UTRN: variants seen among roughly 807,000 people sequenced by gnomAD.
The protein encoded by UTRN is utrophin.
Under a neutral mutation model 463.9 loss-of-function variants are expected in UTRN, and 283 were observed. That is an observed-to-expected ratio of 0.61 (90% confidence interval 0.55 to 0.67). The LOEUF (loss-of-function observed/expected upper bound fraction) is 0.67, where lower values mean the gene tolerates loss of function less well. Ranked by LOEUF, UTRN falls within the 30% of genes least tolerant of loss-of-function variation. The pLI is 0.00. For synonymous variants in UTRN, 1,442 were observed against 1,431.5 expected (o/e 1.01, Z -0.17); for missense variants, 3,922 against 4,084.3 (o/e 0.96, Z 1.08).
intron 51 of UTRN, among the ~76,000 whole-genome samples, chr6:144,603,362 C>T (rs1246569501): frequency 1.3e-5 from 2 of 152,100 alleles, no homozygotes; most frequent in African/African-American, 4.8e-5. Flanking sequence ...GAAAGGCTGT[C>T]CCAATGTCTA....
chr6:144,396,966 C>T (rs2114780980), intron 2 of UTRN, among the ~76,000 whole-genome samples: 1 of 152,260 alleles, frequency 6.6e-6, no homozygotes, highest in East Asian at 1.9e-4. Context: ...GTTCCTCTGG[C>T]CAGGCACAGT....
rs376771233 is a variant in UTRN, at chr6:144,763,806, C to T, written c.8495+5817C>T. Among the ~76,000 whole-genome samples the T allele has an allele frequency of 6.6e-5, 10 of 152,162 alleles. No individual in the cohort carries two copies. In the East Asian group the frequency reaches 1.9e-3, roughly 29 times the overall value. ...AAACTTATCCCAGAACAGAATAAAC[C>T]CGTAACAAAGGTATAATTAACAATG... On this transcript the variant is annotated intron_variant, in intron 58 of 74. Coordinates refer to ENST00000367545, the MANE Select transcript of UTRN (RefSeq NM_007124.3).
chr6:144,828,660 G>A (rs1780401506), intron 68 of UTRN, 130 bp from the exon 69 acceptor site: 11 of 881,960 alleles, frequency 1.2e-5, no homozygotes, highest in Admixed American at 4.3e-5. Flanking sequence ...TTTTACAGTC[G>A]TGTTAGGAGA....
chr6:144,659,772 C>CT (rs959113184), intron 51 of UTRN: 77 of 145,634 alleles, frequency 5.3e-4, no homozygotes, highest in Middle Eastern at 7.0e-3. Context: ...TAATACTTGG[C>CT]TTTTTTTTTT....
rs538612218 is a variant in UTRN, at chr6:144,404,024, A to G, written c.141+840A>G. Among the ~76,000 whole-genome samples, 16 of 152,356 alleles carry G rather than the reference A, an allele frequency of 1.1e-4. 1 individual carries two copies. The South Asian group carries it at 3.3e-3, about 32-fold the overall frequency. On this transcript the variant is annotated intron_variant, in intron 3 of 74. Coordinates refer to ENST00000367545, the MANE Select transcript of UTRN (RefSeq NM_007124.3). ...TTTTTGGTTGCTTTTCAAAAGTTGT[A>G]AAGGTCAGAGAGACAAACATTGGTA...
intron 2 of UTRN, among the ~76,000 whole-genome samples, chr6:144,369,473 T>G (rs1334110284): frequency 1.3e-5 from 2 of 152,114 alleles, no homozygotes. Context: ...AAAAATTAGC[T>G]GATTGTGGTG....
At chr6:144,807,820 T>C (rs963070516) in intron 65 of UTRN, among the ~76,000 whole-genome samples, 1 of 152,172 alleles carries the variant, frequency 6.6e-6, no homozygotes, top group Non-Finnish European at 1.5e-5. Context: ...CCTTGAGGAC[T>C]GGGATGACTT....
intron 70 of UTRN, among the ~76,000 whole-genome samples, 178 bp from the exon 71 acceptor site, chr6:144,836,122 GA>G (rs1781081405): frequency 6.6e-6 from 1 of 152,202 alleles, no homozygotes; most frequent in South Asian, 2.1e-4. Context: ...GTTCATTGAT[GA>G]TGTCTACTGG....
chr6:144,535,555 G>C (rs926031800), intron 43 of UTRN, among the ~76,000 whole-genome samples: 2 of 152,148 alleles, frequency 1.3e-5, no homozygotes, highest in African/African-American at 4.8e-5. Context: ...AAAGAATAAT[G>C]AATCTCTTCC....
intron 11 of UTRN, among the ~76,000 whole-genome samples, chr6:144,438,038 G>C (rs530424358): frequency 6.6e-6 from 1 of 152,322 alleles, no homozygotes; most frequent in East Asian, 1.9e-4. Context: ...GGCCAACGCG[G>C]ATGGATCACT....
At chr6:144,342,440 C>T (rs947539055) in intron 2 of UTRN, among the ~76,000 whole-genome samples, 3 of 151,824 alleles carry the variant, frequency 2.0e-5, no homozygotes, top group African/African-American at 4.8e-5. Context: ...ATGCTCATAG[C>T]AGAATTATTG....
intron 33 of UTRN, among the ~76,000 whole-genome samples, chr6:144,495,782 G>A (rs1048794399): frequency 1.3e-5 from 2 of 152,344 alleles, no homozygotes; most frequent in African/African-American, 4.8e-5. Flanking sequence ...AGTAGCCGGT[G>A]TTGGCTTTTT....
chr6:144,685,689 T>A (rs900801803), intron 52 of UTRN, among the ~76,000 whole-genome samples: 2 of 152,172 alleles, frequency 1.3e-5, no homozygotes, highest in Admixed American at 6.6e-5. Context: ...ATCATGTCAT[T>A]TGCCCACTTT....
intron 2 of UTRN, among the ~76,000 whole-genome samples, chr6:144,340,014 A>C (rs1167973401): frequency 6.6e-6 from 1 of 152,176 alleles, no homozygotes; most frequent in Non-Finnish European, 1.5e-5. Context: ...TAGAAATATA[A>C]AAATTAGCCG....
chr6:144,434,877 G>A (rs976337158), intron 9 of UTRN, among the ~76,000 whole-genome samples: 1 of 152,164 alleles, frequency 6.6e-6, no homozygotes, highest in Non-Finnish European at 1.5e-5. Flanking sequence ...AACGTGGGTG[G>A]CCAGCTCTCC....
chr6:144,716,908 A>T (rs965637889), intron 53 of UTRN, among the ~76,000 whole-genome samples: 1 of 152,184 alleles, frequency 6.6e-6, no homozygotes, highest in Non-Finnish European at 1.5e-5. Context: ...CAGGTGTTGG[A>T]GATTTAAGTT....
At position 144,474,772 on chromosome 6, in the gene UTRN, A is replaced by C; in HGVS notation, c.3336+13A>C. ...ACTTAGCAAGGAGGTGAGTTTTTCA[A>C]CTTTACTACCTACGGTTTTCAGGAG... is the stretch of plus-strand genomic sequence containing the variant. On this transcript the variant is annotated intron_variant, in intron 25 of 74. Coordinates refer to ENST00000367545, the MANE Select transcript of UTRN (RefSeq NM_007124.3). 1 of 1,610,558 alleles carries C rather than the reference A, an allele frequency of 6.2e-7. No individual in the cohort carries two copies. The highest frequency in any genetic ancestry group is 8.5e-7 in the Non-Finnish European group (1 of 1,178,732).
intron 57 of UTRN, 108 bp downstream of exon 57, chr6:144,754,906 A>C: frequency 9.3e-7 from 1 of 1,073,656 alleles, no homozygotes; most frequent in Admixed American, 2.4e-5. Flanking sequence ...TTATTTAGAT[A>C]GATCCTTGTA....
intron 69 of UTRN, among the ~76,000 whole-genome samples, chr6:144,832,309 T>C (rs137891255): frequency 1.0e-3 from 155 of 152,356 alleles, no homozygotes; most frequent in Middle Eastern, 6.8e-3. Context: ...GTTAAATTCT[T>C]ATTTTTGTGA....
Sources: allele counts gnomAD v4.1 joint callset (sites outside exome capture counted in the v4.1 genomes callset), GRCh38; gene constraint gnomAD v4.1.1; transcripts MANE v1.5; gene names NCBI Gene and HGNC (gene_info 2026-07-23, HGNC 2026-07-21).